Variants in NCKAP5 observed in about 807,000 individuals in gnomAD.
NCKAP5 encodes nck-associated protein 5.
In NCKAP5, 92 loss-of-function variants were observed where a neutral mutation model predicts 167.0. The observed-to-expected ratio is 0.55, with a 90% CI of 0.47 to 0.66. NCKAP5 has a LOEUF of 0.66. NCKAP5 is among the 30% of genes least tolerant of loss of function. The pLI, the probability that NCKAP5 is intolerant of heterozygous loss-of-function variation, is 0.00. For synonymous variants in NCKAP5, 891 were observed against 877.4 expected (o/e 1.02, Z -0.27); for missense variants, 2,378 against 2,315.0 (o/e 1.03, Z -0.56).
At chr2:133,644,410 C>A in the NCKAP5 span, among the ~76,000 whole-genome samples, 25 of 152,246 alleles carry the variant, frequency 1.6e-4, no homozygotes, top group African/African-American at 6.0e-4. Context: ...TTCCATGAAA[C>A]CTCTGAAATG....
chr2:133,664,138 C>G, the NCKAP5 span, among the ~76,000 whole-genome samples: 1 of 148,756 alleles, frequency 6.7e-6, no homozygotes, highest in African/African-American at 2.5e-5. Context: ...TGGTGATGAG[C>G]AGCAATATTT....
At chr2:133,576,828 G>A in the NCKAP5 span, among the ~76,000 whole-genome samples, 1 of 152,208 alleles carries the variant, frequency 6.6e-6, no homozygotes, top group Non-Finnish European at 1.5e-5. Context: ...CAATGGAAAT[G>A]TAATTGTTGA....
intron 5 of NCKAP5, among the ~76,000 whole-genome samples, chr2:133,180,012 C>A (rs982954096): frequency 2.0e-5 from 3 of 152,072 alleles, no homozygotes; most frequent in African/African-American, 4.8e-5. Flanking sequence ...GTAAACCCAG[C>A]GAACTCTGTG....
chr2:133,660,660 C>G, the NCKAP5 span, among the ~76,000 whole-genome samples: 9 of 152,096 alleles, frequency 5.9e-5, no homozygotes, highest in Admixed American at 1.3e-4. Flanking sequence ...TCAGACTCCT[C>G]CAAAGACGTA....
At chr2:133,659,869 A>T in the NCKAP5 span, among the ~76,000 whole-genome samples, 1 of 152,208 alleles carries the variant, frequency 6.6e-6, no homozygotes, top group African/African-American at 2.4e-5. Context: ...TAACCATTGC[A>T]TATATGTTTT....
chr2:133,188,742 C>A (rs1335123137), intron 5 of NCKAP5, among the ~76,000 whole-genome samples: 1 of 152,000 alleles, frequency 6.6e-6, no homozygotes, highest in Non-Finnish European at 1.5e-5. Flanking sequence ...TCAATGAGAA[C>A]AAAGACACAA....
intron 7 of NCKAP5, among the ~76,000 whole-genome samples, chr2:132,993,863 T>A: frequency 6.6e-6 from 1 of 152,374 alleles, no homozygotes; most frequent in South Asian, 2.1e-4. Context: ...CTTTTAGTCC[T>A]GGCCACAGAG....
chr2:133,056,415 A>T (rs953902233), intron 6 of NCKAP5, among the ~76,000 whole-genome samples: 12 of 152,162 alleles, frequency 7.9e-5, no homozygotes, highest in Non-Finnish European at 1.6e-4. Flanking sequence ...TTATTTAATA[A>T]TATTTACTAA....
chr2:133,344,352 G>C (rs569381980), intron 3 of NCKAP5, among the ~76,000 whole-genome samples: 1 of 150,488 alleles, frequency 6.6e-6, no homozygotes, highest in South Asian at 2.1e-4. Context: ...AAGTTGTAGT[G>C]AGCTGAGATT....
At chr2:133,248,117 T>G (rs72985667) in intron 4 of NCKAP5, among the ~76,000 whole-genome samples, 3 of 152,314 alleles carry the variant, frequency 2.0e-5, no homozygotes, top group Admixed American at 2.0e-4. Flanking sequence ...CTAGAACTTG[T>G]CCATGTGCAG....
At chr2:133,358,467 G>C (rs1684886082) in intron 3 of NCKAP5, among the ~76,000 whole-genome samples, 1 of 152,060 alleles carries the variant, frequency 6.6e-6, no homozygotes, top group South Asian at 2.1e-4. Flanking sequence ...TATAGTCCTA[G>C]CTACTCAGTG....
intron 3 of NCKAP5, among the ~76,000 whole-genome samples, chr2:133,356,915 G>C (rs13411233): frequency 6.6e-6 from 1 of 151,936 alleles, no homozygotes; most frequent in Non-Finnish European, 1.5e-5. Flanking sequence ...ATTCCTTCTC[G>C]TGCAATTCAA....
intron 6 of NCKAP5, among the ~76,000 whole-genome samples, chr2:133,128,597 T>C (rs867551391): frequency 1.3e-4 from 19 of 149,200 alleles, no homozygotes; most frequent in South Asian, 6.2e-4. Flanking sequence ...TCTCTCTCTC[T>C]CTTTTTTTTT....
intron 19 of NCKAP5, among the ~76,000 whole-genome samples, chr2:132,698,302 G>A (rs900800035): frequency 6.6e-6 from 1 of 152,088 alleles, no homozygotes; most frequent in African/African-American, 2.4e-5. Context: ...AATCAAAATA[G>A]CACCATGGTG....
At chr2:132,681,369 T>TTGCATCGTTTTA (rs908921467) in intron 19 of NCKAP5, among the ~76,000 whole-genome samples, 4 of 151,938 alleles carry the variant, frequency 2.6e-5, no homozygotes, top group African/African-American at 4.8e-5. Flanking sequence ...TAACTACCCT[T>TTGCATCGTTTTA]TGCATCGTTT....
rs78332687 is a variant in NCKAP5, at chr2:133,445,592, A to G, written c.69+71866T>C. On this transcript the variant is annotated intron_variant, in intron 3 of 19. Coordinates refer to ENST00000409261, the MANE Select transcript of NCKAP5 (RefSeq NM_207363.3). ...AAATAAGTATCTCTAAGAGGCTCCA[A>G]TGCAAATTGTTATTTGGTCCTTCTA... Among the ~76,000 whole-genome samples the G allele has an allele frequency of 1.1e-4, 16 of 152,276 alleles. No individual in the cohort carries two copies. The East Asian group carries it at 1.4e-3, about 13-fold the overall frequency.
intron 16 of NCKAP5, among the ~76,000 whole-genome samples, chr2:132,768,725 C>T (rs1457061486): frequency 4.0e-5 from 6 of 150,706 alleles, no homozygotes; most frequent in Admixed American, 1.3e-4. Flanking sequence ...CCACAAGCTC[C>T]GCCTCCCAGG....
chr2:133,469,864 G>T (rs1441645011), intron 3 of NCKAP5, among the ~76,000 whole-genome samples: 1 of 150,528 alleles, frequency 6.6e-6, no homozygotes, highest in Non-Finnish European at 1.5e-5. Context: ...AGCTCCATCA[G>T]CTCCTTTAAG....
At chr2:133,628,570 A>C in the NCKAP5 span, among the ~76,000 whole-genome samples, 1 of 152,210 alleles carries the variant, frequency 6.6e-6, no homozygotes, top group Non-Finnish European at 1.5e-5. Context: ...CATACTGCCC[A>C]AATTATAAAT....
Sources: gnomAD v4.1 joint callset for allele counts (sites outside exome capture counted in the v4.1 genomes callset) on GRCh38, gnomAD v4.1.1 for gene constraint, MANE v1.5 for transcripts, NCBI Gene and HGNC (gene_info 2026-07-23, HGNC 2026-07-21) for gene names.